Variants in VEGFC observed in about 807,000 individuals in gnomAD.
The protein encoded by VEGFC is FLT4 ligand DHM.
In VEGFC, 12 loss-of-function variants were observed where a neutral mutation model predicts 46.1. The ratio of observed to expected loss-of-function variants is 0.26; its 90% CI spans 0.17 to 0.42. The LOEUF (loss-of-function observed/expected upper bound fraction) is 0.42, where lower values mean the gene tolerates loss of function less well. Ranked by LOEUF, VEGFC falls within the 10% of genes least tolerant of loss-of-function variation. VEGFC has a pLI of 1.00. For synonymous variants in VEGFC, 232 were observed against 195.5 expected (o/e 1.19, Z -1.56); for missense variants, 488 against 529.4 (o/e 0.92, Z 0.77).
chr4:176,734,862 TA>T (rs1206768122), intron 1 of VEGFC, among the ~76,000 whole-genome samples: 2 of 151,882 alleles, frequency 1.3e-5, no homozygotes, highest in Admixed American at 1.3e-4. Flanking sequence ...TTTATAATAA[TA>T]TTTTTTAAAA....
chr4:176,755,660 T>C (rs1407035066), intron 1 of VEGFC, among the ~76,000 whole-genome samples: 1 of 152,034 alleles, frequency 6.6e-6, no homozygotes, highest in Non-Finnish European at 1.5e-5. Flanking sequence ...CAGATAATTG[T>C]TATCATCCAT....
chr4:176,760,869 G>C (rs77165707), intron 1 of VEGFC, among the ~76,000 whole-genome samples: 1,704 of 152,256 alleles, frequency 0.011, 25 homozygotes, highest in Middle Eastern at 0.099. Context: ...GATCTTAGCT[G>C]GATGTATTCT....
At chr4:176,782,414 C>T (rs372471905) in intron 1 of VEGFC, among the ~76,000 whole-genome samples, 1 of 150,960 alleles carries the variant, frequency 6.6e-6, no homozygotes, top group Non-Finnish European at 1.5e-5. Context: ...CAACGAGCCA[C>T]GTTCATGCCA....
At chr4:176,761,501 T>C (rs898705556) in intron 1 of VEGFC, among the ~76,000 whole-genome samples, 1 of 152,054 alleles carries the variant, frequency 6.6e-6, no homozygotes, top group South Asian at 2.1e-4. Context: ...TTAAGGACAA[T>C]AGTGAATGAA....
In VEGFC at chr4:176,692,419, A is replaced by C. The variant is rs137870562; in HGVS notation, c.705-4492T>G. Reference sequence around the variant, plus strand: ...AAAAACAAACAAACAAACAAACAAAAAAAAAACAAAAAACGGCACACCACG... The same window carrying C: ...AAAAACAAACAAACAAACAAACAAACAAAAAACAAAAAACGGCACACCACG... On this transcript the variant is annotated intron_variant, in intron 4 of 6. Transcript: ENST00000618562. 7.5e-3 allele frequency among the ~76,000 whole-genome samples: 939 copies of C among 125,424 alleles called. 73 individuals are homozygous for C. The highest frequency in any genetic ancestry group is 1.0e-2 in the Non-Finnish European group (629 of 63,062). 82.3% of individuals were successfully genotyped at this position (125,424 alleles called of 152,430 possible). A position where few individuals can be genotyped will look rare whatever the true frequency, so the allele number is the denominator to read the frequency against.
intron 1 of VEGFC, among the ~76,000 whole-genome samples, chr4:176,772,023 C>A (rs1735731498): frequency 6.6e-6 from 1 of 152,094 alleles, no homozygotes; most frequent in Admixed American, 6.6e-5. Context: ...AGAATGAGCA[C>A]GTTGGCTGCA....
rs1734188474 is a variant in VEGFC at position 176,691,933 on chromosome 4, T to C, written c.705-4006A>G. Among the ~76,000 whole-genome samples, 2 of 152,232 alleles carry C rather than the reference T, an allele frequency of 1.3e-5. 1 individual carries two copies. The highest frequency in any genetic ancestry group is 4.1e-4 in the South Asian group (2 of 4,820). ...GTGCCAGACAGTGGGCGCAGGTCAG[T>C]GGGTGCACGCACCGTGCGCGAGCCG... is the stretch of plus-strand genomic sequence containing the variant. On this transcript the variant is annotated intron_variant, in intron 4 of 6. Transcript: ENST00000618562.
intron 1 of VEGFC, among the ~76,000 whole-genome samples, chr4:176,787,840 C>G (rs1247219557): frequency 6.6e-6 from 1 of 152,162 alleles, no homozygotes; most frequent in Admixed American, 6.5e-5. Flanking sequence ...TCATCAGCAT[C>G]TCTCCTTGTT....
At chr4:176,736,439 A>G (rs1735055478) in intron 1 of VEGFC, among the ~76,000 whole-genome samples, 1 of 148,772 alleles carries the variant, frequency 6.7e-6, no homozygotes, top group African/African-American at 2.4e-5. Flanking sequence ...ACTTGAGTAC[A>G]TCATTTCCTC....
chr4:176,688,439 T>C (rs924694773), intron 4 of VEGFC, among the ~76,000 whole-genome samples: 2 of 152,220 alleles, frequency 1.3e-5, no homozygotes, highest in African/African-American at 2.4e-5. Flanking sequence ...GAAACATCTA[T>C]GTAAATGTAT....
At chr4:176,758,957 G>C (rs1735480943) in intron 1 of VEGFC, among the ~76,000 whole-genome samples, 1 of 152,048 alleles carries the variant, frequency 6.6e-6, no homozygotes, top group Admixed American at 6.6e-5. Flanking sequence ...CTGCCATCCA[G>C]GGCCAGTGAT....
At chr4:176,719,955 A>T (rs963628140) in intron 3 of VEGFC, among the ~76,000 whole-genome samples, 1 of 151,990 alleles carries the variant, frequency 6.6e-6, no homozygotes, top group African/African-American at 2.4e-5. Context: ...GCTACTCGGG[A>T]GGCTGAGGCA....
chr4:176,758,694 T>A (rs2110906473), intron 1 of VEGFC, among the ~76,000 whole-genome samples: 1 of 152,218 alleles, frequency 6.6e-6, no homozygotes, highest in East Asian at 1.9e-4. Flanking sequence ...TTACTTTAGT[T>A]TGTGTCCTGT....
In VEGFC at chr4:176,687,363, G is replaced by T. The variant is rs748396337; in HGVS notation, c.969C>A (p.Leu323=). 2 of 1,614,176 alleles carry T rather than the reference G, an allele frequency of 1.2e-6. No individual in the cohort carries two copies. Among genetic ancestry groups the T allele is most frequent in the Non-Finnish European group, 1.7e-6 (2 of 1,180,032 alleles). The change falls in exon 6 of 7, where the codon CTC becomes CTA. Residue 323 remains leucine (L), a synonymous_variant. Coordinates refer to ENST00000618562, the MANE Select transcript of VEGFC (RefSeq NM_005429.5). ...GGTTGGCCCCACATTGGCTGGGGAA[G>T]AGTTTGTTTTTACAGACACACTGGC... ...NSCQCVCKNK[L]FPSQCGANRE...
At chr4:176,709,745 AC>A (rs1222778579) in intron 4 of VEGFC, among the ~76,000 whole-genome samples, 1 of 152,220 alleles carries the variant, frequency 6.6e-6, no homozygotes, top group Non-Finnish European at 1.5e-5. Context: ...TCTTTGAGCA[AC>A]TGAAAGTCAC....
intron 1 of VEGFC, among the ~76,000 whole-genome samples, chr4:176,754,578 C>T (rs1735401795): frequency 6.6e-6 from 1 of 152,032 alleles, no homozygotes; most frequent in South Asian, 2.1e-4. Flanking sequence ...TCTGACTCCA[C>T]ATCCTCTCTC....
intron 1 of VEGFC, among the ~76,000 whole-genome samples, chr4:176,751,934 T>C (rs1735348671): frequency 6.6e-6 from 1 of 151,762 alleles, no homozygotes; most frequent in South Asian, 2.1e-4. Context: ...CTTTTAGGTC[T>C]CTGTCCTCCT....
chr4:176,744,699 T>C (rs896663097), intron 1 of VEGFC, among the ~76,000 whole-genome samples: 2 of 152,094 alleles, frequency 1.3e-5, no homozygotes, highest in African/African-American at 4.8e-5. Flanking sequence ...TCTGTGCTAG[T>C]TTTTAAAAAA....
At chr4:176,730,697 T>C (rs1022593119) in intron 1 of VEGFC, among the ~76,000 whole-genome samples, 1 of 152,106 alleles carries the variant, frequency 6.6e-6, no homozygotes, top group African/African-American at 2.4e-5. Flanking sequence ...CATGGTTTCT[T>C]GGGTGGATCA....
Sources: allele counts gnomAD v4.1 joint callset (sites outside exome capture counted in the v4.1 genomes callset), GRCh38; gene constraint gnomAD v4.1.1; transcripts MANE v1.5; gene names NCBI Gene and HGNC (gene_info 2026-07-23, HGNC 2026-07-21).